Variants in PID1 observed in about 807,000 individuals in gnomAD.
PID1 encodes PTB-containing, cubilin and LRP1-interacting protein.
A neutral mutation model predicts 19.1 loss-of-function variants in PID1; 10 were observed. The ratio of observed to expected loss-of-function variants is 0.52; its 90% CI spans 0.32 to 0.89. The LOEUF (loss-of-function observed/expected upper bound fraction) is 0.89. Among genes scored for constraint, PID1 ranks in the 40% least tolerant of loss-of-function variants. The pLI, the probability that PID1 is intolerant of heterozygous loss-of-function variation, is 0.03. For missense variants in PID1, 248 were observed against 285.3 expected (o/e 0.87, Z 0.94); for synonymous variants, 130 against 116.0 (o/e 1.12, Z -0.78).
chr2:229,260,194 T>C (rs1690418305), intron 1 of PID1, among the ~76,000 whole-genome samples: 1 of 152,178 alleles, frequency 6.6e-6, no homozygotes, highest in Admixed American at 6.5e-5. Flanking sequence ...CATATCAATT[T>C]TGGCAGTTCA....
intron 2 of PID1, among the ~76,000 whole-genome samples, chr2:229,048,824 T>C (rs1693934594): frequency 6.6e-6 from 1 of 152,226 alleles, no homozygotes; most frequent in South Asian, 2.1e-4. Flanking sequence ...GTTTTTAAAG[T>C]AACAGTATTT....
At chr2:229,231,424 G>GCAAA (rs1252009123) in intron 1 of PID1, among the ~76,000 whole-genome samples, 2 of 151,886 alleles carry the variant, frequency 1.3e-5, no homozygotes, top group Non-Finnish European at 2.9e-5. Flanking sequence ...AGTTATTCTG[G>GCAAA]GAATCTACCA....
intron 2 of PID1, among the ~76,000 whole-genome samples, chr2:229,029,017 A>G (rs1162766932): frequency 1.3e-5 from 2 of 152,142 alleles, no homozygotes; most frequent in Non-Finnish European, 2.9e-5. Context: ...AAGTAGGAGT[A>G]AACATTGAGA....
chr2:229,130,548 A>T (rs1689712951), intron 2 of PID1, among the ~76,000 whole-genome samples: 1 of 152,244 alleles, frequency 6.6e-6, no homozygotes, highest in Admixed American at 6.5e-5. Context: ...GGAGCAAGTT[A>T]ATGAGGAAAC....
intron 1 of PID1, among the ~76,000 whole-genome samples, chr2:229,232,431 C>CAAAAAAAAA (rs386392861): frequency 2.4e-5 from 1 of 41,354 alleles, no homozygotes; most frequent in African/African-American, 1.1e-4. Context: ...GACTCCATCT[C>CAAAAAAAAA]AAAAAAAAAA....
At chr2:229,131,506 C>A (rs1315760761) in intron 2 of PID1, among the ~76,000 whole-genome samples, 1 of 152,180 alleles carries the variant, frequency 6.6e-6, no homozygotes, top group Non-Finnish European at 1.5e-5. Flanking sequence ...GCTGGGATTA[C>A]AAGTGTGAGC....
chr2:229,155,430 G>A (rs1439184406), intron 2 of PID1, among the ~76,000 whole-genome samples: 1 of 152,024 alleles, frequency 6.6e-6, no homozygotes, highest in Non-Finnish European at 1.5e-5. Flanking sequence ...GCCGGGCATG[G>A]TGGCGGGTGC....
intron 2 of PID1, among the ~76,000 whole-genome samples, chr2:229,095,705 T>C (rs1030147964): frequency 6.6e-6 from 1 of 152,196 alleles, no homozygotes; most frequent in East Asian, 1.9e-4. Flanking sequence ...ATGATCATGC[T>C]GTACCCAACA....
intron 1 of PID1, among the ~76,000 whole-genome samples, chr2:229,161,414 T>C (rs1337474279): frequency 6.6e-6 from 1 of 152,192 alleles, no homozygotes; most frequent in Non-Finnish European, 1.5e-5. Flanking sequence ...GACTCAATTT[T>C]ATGTTTAAAC....
intron 1 of PID1, among the ~76,000 whole-genome samples, chr2:229,176,826 C>T (rs971638371): frequency 2.0e-5 from 3 of 152,126 alleles, no homozygotes; most frequent in Non-Finnish European, 4.4e-5. Flanking sequence ...CTATTTCTTC[C>T]ACAACAGCAA....
intron 1 of PID1, among the ~76,000 whole-genome samples, chr2:229,207,512 G>C (rs552028058): frequency 6.7e-6 from 1 of 148,642 alleles, no homozygotes; most frequent in African/African-American, 2.5e-5. Flanking sequence ...GGATCTAGTA[G>C]GACGACCTCA....
At chr2:229,258,723 G>A (rs955581740) in intron 1 of PID1, among the ~76,000 whole-genome samples, 1 of 151,906 alleles carries the variant, frequency 6.6e-6, no homozygotes, top group Admixed American at 6.6e-5. Flanking sequence ...CCGGGCCTAC[G>A]TAGTGGCGGG....
At chr2:229,037,679 T>G (rs1693692453) in intron 2 of PID1, among the ~76,000 whole-genome samples, 1 of 152,176 alleles carries the variant, frequency 6.6e-6, no homozygotes, top group Non-Finnish European at 1.5e-5. Flanking sequence ...ATGTGGCCCC[T>G]TCTGGTGAGC....
rs141402985 is a variant in PID1 at position 229,071,836 on chromosome 2, T to G, written c.178-45728A>C. ...ATTATGGTGAAAAAGAAACAATGAC[T>G]CATTCTATCTGTATTGTCTCTTTTG... On this transcript the variant is annotated intron_variant, in intron 2 of 2. Transcript: ENST00000392055. Among the ~76,000 whole-genome samples, 831 of 152,332 alleles carry G rather than the reference T, an allele frequency of 5.5e-3. 6 individuals are homozygous for G. The highest frequency in any genetic ancestry group is 0.018 in the African/African-American group (762 of 41,580).
intron 2 of PID1, among the ~76,000 whole-genome samples, chr2:229,139,315 C>T (rs115172254): frequency 0.018 from 2,749 of 152,034 alleles, 42 homozygotes; most frequent in Non-Finnish European, 0.03. Flanking sequence ...ACAGTGATGG[C>T]ACAATCATGA....
intron 1 of PID1, among the ~76,000 whole-genome samples, chr2:229,233,312 G>A (rs1269296658): frequency 6.6e-6 from 1 of 151,978 alleles, no homozygotes; most frequent in African/African-American, 2.4e-5. Context: ...TTTGTAATAT[G>A]AGAACATTTA....
At chr2:229,238,351 T>C (rs150732370) in intron 1 of PID1, among the ~76,000 whole-genome samples, 1 of 152,276 alleles carries the variant, frequency 6.6e-6, no homozygotes, top group South Asian at 2.1e-4. Context: ...CCAAACCATA[T>C]CATCGCTCAG....
intron 1 of PID1, among the ~76,000 whole-genome samples, chr2:229,224,711 A>G (rs985955377): frequency 5.9e-5 from 9 of 152,180 alleles, no homozygotes; most frequent in African/African-American, 2.2e-4. Flanking sequence ...GAATATCTAC[A>G]TAAACATGGC....
Position 229,232,041 on chromosome 2 carries a change from G to A in PID1, c.30+38973C>T, listed in dbSNP as rs550803281. 2.7e-5 allele frequency: 42 copies of A among 1,546,136 alleles called. 1 individual carries two copies. The South Asian group carries it at 4.9e-4, about 18-fold the overall frequency. On this transcript the variant is annotated intron_variant, in intron 1 of 2. Transcript: ENST00000392055. ...GTCCTCACACAGTGGAAGGCTAAGG[G>A]GCAGGCTGAACATGGCACGAAGCCT...
Sources: gnomAD v4.1 joint callset for allele counts (sites outside exome capture counted in the v4.1 genomes callset) on GRCh38, gnomAD v4.1.1 for gene constraint, MANE v1.5 for transcripts, NCBI Gene and HGNC (gene_info 2026-07-23, HGNC 2026-07-21) for gene names.